Variants in COMMD10 observed in about 807,000 individuals in gnomAD.
COMMD10 encodes COMM domain containing 10, also known as COMM domain-containing protein 10.
COMMD10 carries 33 observed loss-of-function variants against 28.9 expected under a neutral mutation model. The ratio of observed to expected loss-of-function variants is 1.14; its 90% CI spans 0.87 to 1.53. COMMD10 has a LOEUF of 1.53. Among genes scored for constraint, COMMD10 ranks in the 40% most tolerant of loss-of-function variants. COMMD10 has a pLI of 0.00. For missense variants in COMMD10, 310 were observed against 233.4 expected (o/e 1.33, Z -2.14); for synonymous variants, 110 against 81.7 (o/e 1.35, Z -1.87).
intron 5 of COMMD10, among the ~76,000 whole-genome samples, chr5:116,187,175 T>C (rs1041447296): frequency 6.6e-6 from 1 of 152,138 alleles, no homozygotes; most frequent in Non-Finnish European, 1.5e-5. Context: ...AAGTGTTTTC[T>C]TCCTGAATAT....
intron 5 of COMMD10, among the ~76,000 whole-genome samples, chr5:116,230,818 A>G (rs1178863617): frequency 1.3e-5 from 2 of 152,098 alleles, no homozygotes; most frequent in African/African-American, 4.8e-5. Flanking sequence ...GATTCCTTGA[A>G]TCAGTCCAAA....
intron 5 of COMMD10, among the ~76,000 whole-genome samples, chr5:116,146,214 T>A (rs991790384): frequency 6.6e-6 from 1 of 151,862 alleles, no homozygotes; most frequent in Non-Finnish European, 1.5e-5. Flanking sequence ...TATGAAGATT[T>A]ATTCTGTATC....
Position 116,288,873 on chromosome 5 carries a change from T to TC in COMMD10, c.511-2644_511-2643insC, listed in dbSNP as rs1721384493. Among the ~76,000 whole-genome samples the TC allele has an allele frequency of 6.9e-5, 3 of 43,330 alleles. No individual in the cohort carries two copies. In the Admixed American group the frequency reaches 7.5e-4, roughly 11 times the overall value. 28.4% of individuals were successfully genotyped at this position (43,330 alleles called of 152,430 possible). A position where few individuals can be genotyped will look rare whatever the true frequency, so the allele number is the denominator to read the frequency against. On this transcript the variant is annotated intron_variant, in intron 5 of 6. Coordinates refer to ENST00000274458, the MANE Select transcript of COMMD10 (RefSeq NM_016144.4). ...TTTTCAATTGTTGGTGTTCTCTCTC[T>TC]TTTTTTTTTTTTTTTTTTTTTTTTT...
At chr5:116,189,717 T>C (rs1242091878) in intron 5 of COMMD10, among the ~76,000 whole-genome samples, 1 of 134,226 alleles carries the variant, frequency 7.5e-6, no homozygotes, top group Non-Finnish European at 1.5e-5. Context: ...AAAGAGAATT[T>C]AAGAAAGAGG....
chr5:116,177,325 A>T (rs551356148), intron 5 of COMMD10, among the ~76,000 whole-genome samples: 10 of 152,156 alleles, frequency 6.6e-5, no homozygotes, highest in Non-Finnish European at 1.3e-4. Flanking sequence ...TTTAAAATAC[A>T]TGTAAATGTA....
chr5:116,184,556 A>G (rs1037533136), intron 5 of COMMD10, among the ~76,000 whole-genome samples: 2 of 152,098 alleles, frequency 1.3e-5, no homozygotes, highest in Non-Finnish European at 2.9e-5. Flanking sequence ...AGTCTCATCA[A>G]TGTTGGTGTA....
chr5:116,174,702 TG>T (rs1753443888), intron 5 of COMMD10, among the ~76,000 whole-genome samples: 1 of 152,164 alleles, frequency 6.6e-6, no homozygotes, highest in African/African-American at 2.4e-5. Context: ...AAAATTTACC[TG>T]GATAACTTGT....
At chr5:116,118,935 G>A (rs1372212245) in intron 4 of COMMD10, among the ~76,000 whole-genome samples, 1 of 152,198 alleles carries the variant, frequency 6.6e-6, no homozygotes, top group East Asian at 1.9e-4. Flanking sequence ...AGGGAACTGT[G>A]CTGTTAGCAA....
intron 5 of COMMD10, among the ~76,000 whole-genome samples, chr5:116,141,190 C>T (rs1271295715): frequency 2.6e-5 from 4 of 151,152 alleles, no homozygotes; most frequent in South Asian, 2.1e-4. Context: ...ACAATTCTTT[C>T]GTTATTGCAT....
intron 4 of COMMD10, among the ~76,000 whole-genome samples, chr5:116,098,583 A>G (rs762151736): frequency 6.6e-6 from 1 of 152,236 alleles, no homozygotes; most frequent in African/African-American, 2.4e-5. Context: ...TCTAGAGATG[A>G]TTTAAAGTAT....
At chr5:116,130,100 A>G (rs1751816116) in intron 4 of COMMD10, among the ~76,000 whole-genome samples, 1 of 151,764 alleles carries the variant, frequency 6.6e-6, no homozygotes, top group Non-Finnish European at 1.5e-5. Context: ...AAGAAAGCCA[A>G]TCCATGAATA....
intron 5 of COMMD10, among the ~76,000 whole-genome samples, chr5:116,257,832 C>T (rs749552522): frequency 2.6e-5 from 4 of 151,734 alleles, no homozygotes; most frequent in Middle Eastern, 3.4e-3. Flanking sequence ...TATAATGTGC[C>T]TACAAGGTAA....
intron 5 of COMMD10, among the ~76,000 whole-genome samples, chr5:116,155,230 C>T (rs1752668208): frequency 1.3e-5 from 2 of 152,164 alleles, no homozygotes; most frequent in South Asian, 4.1e-4. Context: ...TTTCTGGTTG[C>T]AGAGTTTATA....
chr5:116,104,655 T>C (rs2112727281), intron 4 of COMMD10, among the ~76,000 whole-genome samples: 1 of 152,100 alleles, frequency 6.6e-6, no homozygotes, highest in Middle Eastern at 3.4e-3. Flanking sequence ...AGTCTCACTC[T>C]GTCACCCAGG....
At position 116,278,890 on chromosome 5, in the gene COMMD10, A is replaced by G. The variant is rs1308213914; in HGVS notation, c.511-12627A>G. On this transcript the variant is annotated intron_variant, in intron 5 of 6. Transcript: ENST00000274458. ...CAAGACTTATAAGACCTGTAAGACT[A>G]CTACCATTGGGGTCAAATACTACAA... Among the ~76,000 whole-genome samples the G allele has an allele frequency of 3.9e-5, 6 of 152,002 alleles. 1 individual carries two copies. Among genetic ancestry groups the G allele is most frequent in the Middle Eastern group, 6.8e-3 (2 of 294 alleles).
intron 1 of COMMD10, 178 bp downstream of exon 1, chr5:116,085,271 T>A: frequency 1.6e-6 from 1 of 615,738 alleles, no homozygotes; most frequent in Non-Finnish European, 2.8e-6. Context: ...TGGGGCCGTG[T>A]AGCGCCTCTA....
intron 5 of COMMD10, among the ~76,000 whole-genome samples, chr5:116,218,878 G>T (rs1256456273): frequency 2.6e-5 from 4 of 152,128 alleles, no homozygotes; most frequent in Non-Finnish European, 5.9e-5. Flanking sequence ...TTTAGACAGT[G>T]TTATAGATTG....
chr5:116,289,003 T>C (rs1196694695), intron 5 of COMMD10, among the ~76,000 whole-genome samples: 1 of 149,414 alleles, frequency 6.7e-6, no homozygotes, highest in East Asian at 2.0e-4. Context: ...TGCCTCAGCC[T>C]CCTGAGTAGC....
intron 1 of COMMD10, among the ~76,000 whole-genome samples, chr5:116,085,962 C>T (rs1750077568): frequency 6.6e-6 from 1 of 152,046 alleles, no homozygotes; most frequent in African/African-American, 2.4e-5. Context: ...CTGGAGAAGA[C>T]GCACAAAGAA....
Sources: gnomAD v4.1 joint callset for allele counts (sites outside exome capture counted in the v4.1 genomes callset) on GRCh38, gnomAD v4.1.1 for gene constraint, MANE v1.5 for transcripts, NCBI Gene and HGNC (gene_info 2026-07-23, HGNC 2026-07-21) for gene names.